CD99: variants seen among roughly 807,000 people sequenced by gnomAD.
The protein encoded by CD99 is CD99 molecule (Xg blood group).
A neutral mutation model predicts 28.4 loss-of-function variants in CD99; 19 were observed. That is an observed-to-expected ratio of 0.67 (90% CI 0.47 to 0.98). The LOEUF is 0.98. Ranked by LOEUF, CD99 falls within the 50% of genes least tolerant of loss-of-function variation. The pLI is 0.00. For missense variants in CD99, 283 were observed against 248.8 expected (o/e 1.14, Z -0.92); for synonymous variants, 103 against 92.1 (o/e 1.12, Z -0.67).
At chrX:2,695,379 A>G (rs1403890859) in intron 1 of CD99, among the ~76,000 whole-genome samples, 2 of 151,504 alleles carry the variant, frequency 1.3e-5, no homozygotes, top group Non-Finnish European at 2.9e-5. Flanking sequence ...TAATTTTTGT[A>G]TGTTTAGTAG....
intron 8 of CD99, chrX:2,733,283 A>C (rs1297845327): frequency 6.8e-7 from 1 of 1,474,348 alleles, no homozygotes; most frequent in Non-Finnish European, 9.3e-7. Context: ...GCCCCAGCGC[A>C]CAGCAAAAGC....
intron 1 of CD99, 81 bp from the exon 2 acceptor site, chrX:2,714,341 G>A (rs1264440204): frequency 9.8e-6 from 11 of 1,121,694 alleles, no homozygotes; most frequent in East Asian, 2.5e-5. Flanking sequence ...AAGAAAAATC[G>A]CATATCTTTT....
At position 2,706,829 on chromosome X, in the gene CD99, A is replaced by T. The variant is rs189330137; in HGVS notation, c.68-7593A>T. Among the ~76,000 whole-genome samples the T allele has an allele frequency of 4.6e-3, 692 of 151,906 alleles. 2 individuals carry two copies. Among genetic ancestry groups the T allele is most frequent in the African/African-American group, 6.9e-3 (284 of 41,434 alleles). On this transcript the variant is annotated intron_variant, in intron 1 of 9. Coordinates refer to ENST00000381192, the MANE Select transcript of CD99 (RefSeq NM_002414.5). ...CCTAATTTTTTTTAATTAATTAATT[A>T]ATTTATTTCGAGACAGAGTCTCACT...
At chrX:2,691,673 C>G in intron 1 of CD99, 2 of 704,028 alleles carry the variant, frequency 2.8e-6, no homozygotes, top group Non-Finnish European at 5.2e-6. Flanking sequence ...CAAACTCTTA[C>G]ATGTGGGGCG....
At chrX:2,733,557 G>C (rs1299249023) in intron 8 of CD99, 24 of 618,722 alleles carry the variant, frequency 3.9e-5, no homozygotes, top group Middle Eastern at 4.4e-4. Flanking sequence ...ATATGCTTTT[G>C]CCTTTCTGGA....
intron 1 of CD99, among the ~76,000 whole-genome samples, chrX:2,694,550 C>T (rs2047485358): frequency 6.6e-6 from 1 of 151,998 alleles, no homozygotes; most frequent in African/African-American, 2.4e-5. Context: ...GCCAAGAGTT[C>T]GAGACCAGCC....
At chrX:2,698,982 A>G (rs1318437257) in intron 1 of CD99, among the ~76,000 whole-genome samples, 1 of 148,366 alleles carries the variant, frequency 6.7e-6, no homozygotes, top group Non-Finnish European at 1.5e-5. Context: ...GCTGGAGTGC[A>G]GTGGTACAGT....
At position 2,717,639 on chromosome X, in the gene CD99, G is replaced by T. The variant is rs1417805016; in HGVS notation, c.135G>T (p.Lys45Asn). The change falls in exon 3 of 10, where the codon AAG becomes AAT. Residue 45 changes from lysine to asparagine, a missense_variant. Lys to Asn is a moderately conservative substitution (Grantham distance 94, BLOSUM62 0). Transcript: ENST00000381192. The part of the protein sequence containing the change: ...NENKKPTAIP[K>N]KPSAGDDFDL... The stretch of plus-strand genomic sequence containing the variant: ...ACAAGAAACCCACTGCAATCCCCAA[G>T]AAACCCAGTGCTGGTGAGAAGGGCT... 6.2e-7 allele frequency: 1 copy of T among 1,613,552 alleles called. No homozygotes were observed. The highest frequency in any genetic ancestry group is 8.5e-7 in the Non-Finnish European group (1 of 1,179,620).
intron 3 of CD99, chrX:2,719,395 C>T (rs2048889267): frequency 2.4e-6 from 1 of 422,622 alleles, no homozygotes. Flanking sequence ...TTCTCTCTCT[C>T]TCTCCCCACT....
At chrX:2,697,741 C>T (rs1450126913) in intron 1 of CD99, among the ~76,000 whole-genome samples, 1 of 152,100 alleles carries the variant, frequency 6.6e-6, no homozygotes, top group African/African-American at 2.4e-5. Flanking sequence ...GCCTCTTCTG[C>T]TGCTGTTGCT....
intron 5 of CD99, among the ~76,000 whole-genome samples, chrX:2,722,223 A>C (rs776771478): frequency 4.6e-5 from 7 of 152,136 alleles, no homozygotes; most frequent in African/African-American, 1.7e-4. Flanking sequence ...TTCTGATATG[A>C]CATTATTGAT....
At chrX:2,738,476 C>T (rs1387034069) in intron 9 of CD99, among the ~76,000 whole-genome samples, 2 of 152,050 alleles carry the variant, frequency 1.3e-5, no homozygotes, top group African/African-American at 4.8e-5. Context: ...CCTATATGTG[C>T]CTAAGTCTCT....
rs778030103 is a variant in CD99, at chrX:2,691,329, C to T, written c.-32C>T. 4.7e-5 allele frequency: 72 copies of T among 1,532,752 alleles called. No individual in the cohort carries two copies. In the South Asian group the frequency reaches 8.5e-4, roughly 18 times the overall value. The allele number at this position is 1,532,752 out of a possible 1,614,324, so 94.9% of individuals were successfully genotyped here. A position where few individuals can be genotyped will look rare whatever the true frequency, so the allele number is the denominator to read the frequency against. On this transcript the variant is annotated 5_prime_UTR_variant, in exon 1 of 10. Transcript: ENST00000381192. ...GCCGCCTTCGCCCACGCCCTGCACT[C>T]CGGGACCGTCCCTGCGCGCTCTGGG...
chrX:2,728,516 G>A (rs1381603674), intron 8 of CD99, among the ~76,000 whole-genome samples: 2 of 151,986 alleles, frequency 1.3e-5, no homozygotes, highest in Non-Finnish European at 2.9e-5. Context: ...TGATTGAATG[G>A]CAGTTTTGAG....
chrX:2,726,310 G>A lies in CD99; in HGVS notation c.412G>A (p.Val138Met), dbSNP rs948629582. Residue 138 changes from valine to methionine, a missense_variant, in exon 8 of 10, where the codon GTG becomes ATG. Val to Met is a conservative substitution (Grantham distance 21). Transcript: ENST00000381192. ...PGIVGAVVVA[V>M]AGAISSFIAY... ...GATTGTGGGGGCTGTCGTGGTCGCCGTGGCTGGAGCCATCTCTAGCTTCAT... is the reference window on the plus strand; with the variant it reads ...GATTGTGGGGGCTGTCGTGGTCGCCATGGCTGGAGCCATCTCTAGCTTCAT... The A allele has an allele frequency of 1.1e-5, 17 of 1,612,054 alleles. No homozygotes were observed. Among genetic ancestry groups the A allele is most frequent in the African/African-American group, 4.0e-5 (3 of 74,848 alleles).
chrX:2,704,734 G>C (rs2048037885), intron 1 of CD99, among the ~76,000 whole-genome samples: 1 of 151,828 alleles, frequency 6.6e-6, no homozygotes, highest in African/African-American at 2.4e-5. Flanking sequence ...ATTTTTTGGA[G>C]GCAGGGTCTC....
chrX:2,691,820 G>C, intron 1 of CD99: 2 of 776,676 alleles, frequency 2.6e-6, no homozygotes, highest in South Asian at 1.4e-5. Flanking sequence ...GGCCGCGCGC[G>C]GAGGCCGCCC....
At chrX:2,712,201 G>T (rs1201880259) in intron 1 of CD99, among the ~76,000 whole-genome samples, 1 of 152,098 alleles carries the variant, frequency 6.6e-6, no homozygotes, top group African/African-American at 2.4e-5. Context: ...AGAGTGGAAT[G>T]GCGGTGACCA....
At chrX:2,694,619 G>A (rs1379965938) in intron 1 of CD99, among the ~76,000 whole-genome samples, 1 of 152,070 alleles carries the variant, frequency 6.6e-6, no homozygotes, top group African/African-American at 2.4e-5. Context: ...CGGGCGTGGT[G>A]GTGAGCGCCT....
Sources: gnomAD v4.1 joint callset for allele counts (sites outside exome capture counted in the v4.1 genomes callset) on GRCh38, gnomAD v4.1.1 for gene constraint, MANE v1.5 for transcripts, NCBI Gene and HGNC (gene_info 2026-07-23, HGNC 2026-07-21) for gene names.